The following RFTN1 variants were observed in gnomAD, a reference collection of about 807,000 sequenced individuals.
RFTN1 encodes the protein raftlin.
A neutral mutation model predicts 46.5 loss-of-function variants in RFTN1; 26 were observed. The observed-to-expected ratio is 0.56, with a 90% CI of 0.41 to 0.78. The LOEUF (loss-of-function observed/expected upper bound fraction) is 0.78. Ranked by LOEUF, RFTN1 falls within the 30% of genes least tolerant of loss-of-function variation. The probability of loss-of-function intolerance (pLI) is 0.00; values close to 1 mark genes in which losing one functional copy is unlikely to be tolerated. For synonymous variants in RFTN1, 261 were observed against 284.2 expected (o/e 0.92, Z 0.82); for missense variants, 693 against 718.7 (o/e 0.96, Z 0.41).
At chr3:16,501,760 T>A (rs528454262) in intron 1 of RFTN1, among the ~76,000 whole-genome samples, 1 of 152,230 alleles carries the variant, frequency 6.6e-6, no homozygotes, top group Non-Finnish European at 1.5e-5. Flanking sequence ...TCTCTCTAGA[T>A]CCAGAAATAT....
chr3:16,456,484 T>C (rs1405537772), intron 2 of RFTN1, among the ~76,000 whole-genome samples: 1 of 152,182 alleles, frequency 6.6e-6, no homozygotes, highest in Non-Finnish European at 1.5e-5. Flanking sequence ...TCTTACACAT[T>C]GGAAGGTGAT....
In RFTN1 at chr3:16,422,756, G is replaced by A. The variant is rs966489536; in HGVS notation, c.332+11095C>T. ...AAGAAACAATAAAGAATCAGGAATA[G>A]ATTGGGATGTACATATAGAAATCCT... On this transcript the variant is annotated intron_variant, in intron 3 of 9. Transcript: ENST00000334133. This position sits in a 1 kb window ranked among gnomAD's most constrained non-coding sequence, Gnocchi z 4.6. 6.6e-6 allele frequency among the ~76,000 whole-genome samples: 1 copy of A among 152,174 alleles called. No individual in the cohort carries two copies. Among genetic ancestry groups the A allele is most frequent in the African/African-American group, 2.4e-5 (1 of 41,446 alleles).
In RFTN1 at chr3:16,320,453, C is replaced by G. The variant is rs2068920147; in HGVS notation, c.1332+2923G>C. ...GCTGATTACTCATTCATTGATTCGA[C>G]AAGTATCTGTTGAGCACCAACTAAA... On this transcript the variant is annotated intron_variant, in intron 9 of 9. Transcript: ENST00000334133. This position sits in a 1 kb window ranked among gnomAD's most constrained non-coding sequence, Gnocchi z 4.5. Among the ~76,000 whole-genome samples, 1 of 152,196 alleles carries G rather than the reference C, an allele frequency of 6.6e-6. No individual in the cohort carries two copies. The highest frequency in any genetic ancestry group is 2.4e-5 in the African/African-American group (1 of 41,452).
chr3:16,508,638 G>A (rs1169153558), intron 1 of RFTN1, among the ~76,000 whole-genome samples: 1 of 151,900 alleles, frequency 6.6e-6, no homozygotes, highest in Non-Finnish European at 1.5e-5. Flanking sequence ...CAGGAGAAAA[G>A]GGAGATTCAA....
At chr3:16,492,406 T>C (rs1212725988) in intron 2 of RFTN1, among the ~76,000 whole-genome samples, 1 of 152,186 alleles carries the variant, frequency 6.6e-6, no homozygotes, top group Non-Finnish European at 1.5e-5. Context: ...CCCATTCTAA[T>C]CTTCACAACT....
chr3:16,364,173 T>C (rs1443121918), intron 6 of RFTN1, among the ~76,000 whole-genome samples: 7 of 152,240 alleles, frequency 4.6e-5, no homozygotes, highest in East Asian at 1.9e-4. Context: ...AGCTTGCAAG[T>C]TGCAGCGCCA....
chr3:16,499,789 G>C lies in RFTN1; in HGVS notation c.-8-5912C>G, dbSNP rs914543144. Among the ~76,000 whole-genome samples, 11 of 152,188 alleles carry C rather than the reference G, an allele frequency of 7.2e-5. No homozygotes were observed. Among genetic ancestry groups the C allele is most frequent in the Admixed American group, 6.5e-5 (1 of 15,278 alleles). Reference sequence around the variant, plus strand: ...GCCATTCACCCTTTGAAGGGCATTTGGGTTGTTTCTGGCACTGGCTGATTA... The same window carrying C: ...GCCATTCACCCTTTGAAGGGCATTTCGGTTGTTTCTGGCACTGGCTGATTA... On this transcript the variant is annotated intron_variant, in intron 1 of 9. Coordinates refer to ENST00000334133, the MANE Select transcript of RFTN1 (RefSeq NM_015150.2). The surrounding 1 kb of genome is among the most constrained non-coding windows in gnomAD (Gnocchi z 4.9).
Position 16,426,713 on chromosome 3 carries a change from G to A in RFTN1, c.332+7138C>T, listed in dbSNP as rs1217827838. On this transcript the variant is annotated intron_variant, in intron 3 of 9. Transcript: ENST00000334133. The surrounding 1 kb of genome is among the most constrained non-coding windows in gnomAD (Gnocchi z 5.9). ...TGTGTGTGTGTCTGTTCCATTACTT[G>A]AGGTCTGTGCTATGTGGCTGCATTA... is the stretch of plus-strand genomic sequence containing the variant. 6.8e-6 allele frequency among the ~76,000 whole-genome samples: 1 copy of A among 146,620 alleles called. No homozygotes were observed. The highest frequency in any genetic ancestry group is 2.6e-5 in the African/African-American group (1 of 39,042).
rs962616807 is a variant in RFTN1, at chr3:16,489,894, C to T, written c.145+3831G>A. ...TTGCACTCCAGCCTAGGTGACAGAG[C>T]GAGACTCCATGTCAAAAAAAAACAA... is the stretch of plus-strand genomic sequence containing the variant. On this transcript the variant is annotated intron_variant, in intron 2 of 9. Coordinates refer to ENST00000334133, the MANE Select transcript of RFTN1 (RefSeq NM_015150.2). The surrounding 1 kb of genome is among the most constrained non-coding windows in gnomAD (Gnocchi z 4.0). 6.6e-6 allele frequency among the ~76,000 whole-genome samples: 1 copy of T among 151,764 alleles called. No individual in the cohort carries two copies. Among genetic ancestry groups the T allele is most frequent in the Admixed American group, 6.6e-5 (1 of 15,230 alleles).
chr3:16,380,398 G>T lies in RFTN1; in HGVS notation c.442-2296C>A, dbSNP rs1317838491. Among the ~76,000 whole-genome samples, 2 of 152,196 alleles carry T rather than the reference G, an allele frequency of 1.3e-5. No homozygotes were observed. The highest frequency in any genetic ancestry group is 6.5e-5 in the Admixed American group (1 of 15,284). ...CCTGCAGAGACTGCTGTCATCTAGA[G>T]TGAAGAGGCGAGGACTCCAGACACA... On this transcript the variant is annotated intron_variant, in intron 4 of 9. Coordinates refer to ENST00000334133, the MANE Select transcript of RFTN1 (RefSeq NM_015150.2). The surrounding 1 kb of genome is among the most constrained non-coding windows in gnomAD (Gnocchi z 4.8).
At chr3:16,477,676 G>C (rs1559367039) in intron 2 of RFTN1, among the ~76,000 whole-genome samples, 1 of 152,192 alleles carries the variant, frequency 6.6e-6, no homozygotes, top group Non-Finnish European at 1.5e-5. Context: ...ATTCAAGGGA[G>C]GGCTCTGCTG....
chr3:16,339,347 C>G (rs1328102378), intron 7 of RFTN1: 2 of 152,278 alleles, frequency 1.3e-5, no homozygotes, highest in Non-Finnish European at 2.9e-5. Context: ...AATCCCACAG[C>G]ATGCTCTTTG....
rs1007736390 is a variant in RFTN1 at position 16,429,095 on chromosome 3, G to C, written c.332+4756C>G. ...CAAAGTAACTTGAGTCAAAGTAACT[G>C]ACTTGACTAAATTCAATACACTTAG... On this transcript the variant is annotated intron_variant, in intron 3 of 9. Transcript: ENST00000334133. This position sits in a 1 kb window ranked among gnomAD's most constrained non-coding sequence, Gnocchi z 6.4. Among the ~76,000 whole-genome samples, 41 of 152,168 alleles carry C rather than the reference G, an allele frequency of 2.7e-4. No homozygotes were observed. Among genetic ancestry groups the C allele is most frequent in the African/African-American group, 9.7e-4 (40 of 41,430 alleles).
At chr3:16,419,438 C>T (rs75536923) in intron 3 of RFTN1, among the ~76,000 whole-genome samples, 309 of 152,304 alleles carry the variant, frequency 2.0e-3, no homozygotes, top group African/African-American at 7.1e-3. Flanking sequence ...TTTAGGACAG[C>T]AGCAATGAGA....
In RFTN1 at chr3:16,498,646, G is replaced by A. The variant is rs2076661308; in HGVS notation, c.-8-4769C>T. On this transcript the variant is annotated intron_variant, in intron 1 of 9. Transcript: ENST00000334133. The surrounding 1 kb of genome is among the most constrained non-coding windows in gnomAD (Gnocchi z 5.2). The stretch of plus-strand genomic sequence containing the variant: ...GCCCTCTTTGGAAAGGGAGACACAG[G>A]AAGTAGTTGCTGGCCATCAAAACCT... 1.3e-5 allele frequency among the ~76,000 whole-genome samples: 2 copies of A among 152,280 alleles called. No individual in the cohort carries two copies. Among genetic ancestry groups the A allele is most frequent in the South Asian group, 2.1e-4 (1 of 4,822 alleles).
rs200414856 is a variant in RFTN1 at position 16,403,547 on chromosome 3, CAG to C, written c.441+5826_441+5827del. ...ACATGGGCCAGCAGCATATGAGAGACAGAGACAGAGACACACACACACACACA... is the reference window on the plus strand; with the variant it reads ...ACATGGGCCAGCAGCATATGAGAGACAGACAGAGACACACACACACACACA... On this transcript the variant is annotated intron_variant, in intron 4 of 9. Coordinates refer to ENST00000334133, the MANE Select transcript of RFTN1 (RefSeq NM_015150.2). Among the ~76,000 whole-genome samples the C allele has an allele frequency of 1.1e-3, 74 of 65,864 alleles. 2 individuals are homozygous for C. The highest frequency in any genetic ancestry group is 2.6e-3 in the African/African-American group (32 of 12,318). The allele number at this position is 65,864 out of a possible 152,430, so 43.2% of individuals were successfully genotyped here.
At chr3:16,409,160 C>T (rs750676458) in intron 4 of RFTN1, among the ~76,000 whole-genome samples, 25 of 152,216 alleles carry the variant, frequency 1.6e-4, no homozygotes, top group East Asian at 3.8e-4. Context: ...AGACAGGACC[C>T]GGGCTCCTGC....
chr3:16,415,755 AAGG>A (rs1294725139), intron 3 of RFTN1, among the ~76,000 whole-genome samples: 1 of 152,110 alleles, frequency 6.6e-6, no homozygotes, highest in Non-Finnish European at 1.5e-5. Flanking sequence ...GAAGCAAGTC[AAGG>A]AGAAGGGTAT....
intron 2 of RFTN1, among the ~76,000 whole-genome samples, chr3:16,485,258 A>C (rs2076429607): frequency 6.6e-6 from 1 of 152,226 alleles, no homozygotes. Flanking sequence ...ACATGCAAAC[A>C]AGGGAATATT....
Sources: gnomAD v4.1 joint callset for allele counts (sites outside exome capture counted in the v4.1 genomes callset) on GRCh38, gnomAD v4.1.1 for gene constraint, Gnocchi (gnomAD v3.1) non-coding constraint, MANE v1.5 for transcripts, NCBI Gene and HGNC (gene_info 2026-07-23, HGNC 2026-07-21) for gene names.